DYSF: variants seen among roughly 807,000 people sequenced by gnomAD.
The protein encoded by DYSF is dysferlin, also known as dystrophy-associated fer-1-like 1.
DYSF carries 212 observed loss-of-function variants against 274.9 expected under a neutral mutation model. The ratio of observed to expected loss-of-function variants is 0.77; its 90% CI spans 0.69 to 0.86. DYSF has a LOEUF of 0.86. DYSF is among the 40% of genes least tolerant of loss of function. The pLI is 0.00. For missense variants in DYSF, 2,666 were observed against 2,783.2 expected, an observed-to-expected ratio of 0.96 and a Z score of 0.95; for synonymous variants, 1,091 against 1,078.7, an observed-to-expected ratio of 1.01 and a Z score of -0.22.
rs150860548 is a variant in DYSF, at chr2:71,483,253, A to G, written c.239+1283A>G. Among the ~76,000 whole-genome samples, 682 of 152,240 alleles carry G rather than the reference A, an allele frequency of 4.5e-3. 8 individuals carry two copies. Among genetic ancestry groups the G allele is most frequent in the African/African-American group, 0.014 (585 of 41,534 alleles). On this transcript the variant is annotated intron_variant, in intron 3 of 55. Transcript: ENST00000410020. ...TCTCTTCCAGCTGTTGACCTCAGAC[A>G]TCTCCACCTGCACGGGGGACAGGGA...
In DYSF at chr2:71,686,728, T is replaced by C; in HGVS notation, c.*236T>C. On this transcript the variant is annotated 3_prime_UTR_variant, in exon 56 of 56. Coordinates refer to ENST00000410020, the MANE Select transcript of DYSF (RefSeq NM_001130987.2). The stretch of plus-strand genomic sequence containing the variant: ...CAACCCAACGCTTTTTTGGATCAGC[T>C]CAGACATATTTCAGTATAAAACAGT... The C allele has an allele frequency of 3.6e-6, 2 of 562,160 alleles. No individual in the cohort carries two copies. The highest frequency in any genetic ancestry group is 6.5e-6 in the Non-Finnish European group (2 of 308,748). 34.8% of individuals were successfully genotyped at this position (562,160 alleles called of 1,614,324 possible). A position where few individuals can be genotyped will look rare whatever the true frequency, so the allele number is the denominator to read the frequency against.
chr2:71,654,787 A>G (rs2094736787), intron 42 of DYSF, among the ~76,000 whole-genome samples: 1 of 148,090 alleles, frequency 6.8e-6, no homozygotes, highest in Admixed American at 6.7e-5. Flanking sequence ...AGGTTAAAAA[A>G]CAAGTTACAG....
Position 71,620,546 on chromosome 2 carries a change from G to A in DYSF, c.4465-1G>A, listed in dbSNP as rs1553389041. The stretch of plus-strand genomic sequence containing the variant: ...TGCTAACCAGCATGTTTCATTTGTA[G>A]CTTGCAGACGGTCTGTCGAGCTTGG... On this transcript the variant is annotated splice_acceptor_variant, in intron 40 of 55. Coordinates refer to ENST00000410020, the MANE Select transcript of DYSF (RefSeq NM_001130987.2). LOFTEE classifies it high-confidence loss of function. 1.3e-6 allele frequency: 2 copies of A among 1,551,718 alleles called. No homozygotes were observed. Among genetic ancestry groups the A allele is most frequent in the Admixed American group, 2.0e-5 (1 of 51,004 alleles).
intron 1 of DYSF, among the ~76,000 whole-genome samples, chr2:71,477,434 T>A (rs527270425): frequency 2.0e-5 from 3 of 152,250 alleles, no homozygotes; most frequent in Admixed American, 6.5e-5. Flanking sequence ...GAGCTGGTTT[T>A]AGCCCACTAG....
chr2:71,544,509 T>TAGTG (rs2090306699), intron 17 of DYSF, among the ~76,000 whole-genome samples: 1 of 150,130 alleles, frequency 6.7e-6, no homozygotes, highest in Non-Finnish European at 1.5e-5. Context: ...GCCCAGCCTG[T>TAGTG]AGTGCAGTGG....
intron 1 of DYSF, among the ~76,000 whole-genome samples, chr2:71,459,371 A>G (rs2081193261): frequency 1.3e-5 from 2 of 152,194 alleles, no homozygotes; most frequent in South Asian, 4.1e-4. Context: ...CTCGATGGTC[A>G]GGAAGGTAGG....
Position 71,679,058 on chromosome 2 carries a change from C to T in DYSF, c.5886C>T (p.Gly1962=). Residue 1962 remains glycine (G), a splice_region_variant and synonymous_variant, in exon 53 of 56, where the codon GGC becomes GGT. Coordinates refer to ENST00000410020, the MANE Select transcript of DYSF (RefSeq NM_001130987.2). ...CCAAAAACTACCTCTCTGTTGCAGG[C>T]TCCCTGCAGCTCGATCTCAACCGCA... ...NDKFSFDDFL[G]SLQLDLNRMP... The T allele has an allele frequency of 6.2e-7, 1 of 1,613,910 alleles. No individual in the cohort carries two copies.
At position 71,610,290 on chromosome 2, in the gene DYSF, C is replaced by T. The variant is rs183178523; in HGVS notation, c.3958-955C>T. Among the ~76,000 whole-genome samples, 16 of 152,330 alleles carry T rather than the reference C, an allele frequency of 1.1e-4. No individual in the cohort carries two copies. In the East Asian group the frequency reaches 3.1e-3, roughly 29 times the overall value. ...TTTACATGAAGCTCTAAAGGTTATA[C>T]AGGTATTAACTTCCTCAACCCTCAC... is the stretch of plus-strand genomic sequence containing the variant. On this transcript the variant is annotated intron_variant, in intron 36 of 55. Transcript: ENST00000410020.
intron 9 of DYSF, among the ~76,000 whole-genome samples, chr2:71,516,647 T>G (rs113164252): frequency 8.5e-5 from 13 of 152,202 alleles, no homozygotes; most frequent in Non-Finnish European, 1.8e-4. Context: ...TCTCTTTCTC[T>G]CTGGGCCTTG....
intron 47 of DYSF, 35 bp from the exon 48 acceptor site, chr2:71,667,341 G>C (rs748944847): frequency 6.2e-7 from 1 of 1,613,758 alleles, no homozygotes; most frequent in Non-Finnish European, 8.5e-7. Flanking sequence ...CGCTTCCCCA[G>C]CTCCTGCAAC....
intron 2 of DYSF, 131 bp from the exon 3 acceptor site, chr2:71,481,748 A>G: frequency 4.2e-6 from 3 of 708,020 alleles, no homozygotes; most frequent in Non-Finnish European, 7.6e-6. Context: ...CCATCCATTG[A>G]TCCATCTGCC....
intron 40 of DYSF, among the ~76,000 whole-genome samples, chr2:71,618,513 GGTGTGTGTGTGGTAGAGGTGGGGT>G (rs1558640788): frequency 1.6e-5 from 1 of 62,116 alleles, no homozygotes. Context: ...GTTTGGTAGA[GGTGTGTGTGTGGTAGAGGTGGGGT>G]GTGTGTGTGT....
chr2:71,527,003 C>A (rs544596360), intron 13 of DYSF, among the ~76,000 whole-genome samples: 1 of 152,336 alleles, frequency 6.6e-6, no homozygotes, highest in Admixed American at 6.5e-5. Flanking sequence ...CGATACTAGA[C>A]CCATCTGTGT....
rs143738269 is a variant in DYSF, at chr2:71,583,043, CAAAAAAAA to C, written c.3403-6531_3403-6524del. Among the ~76,000 whole-genome samples the C allele has an allele frequency of 5.6e-4, 28 of 49,950 alleles. No individual in the cohort carries two copies. The East Asian group carries it at 0.011, about 19-fold the overall frequency. 32.8% of individuals were successfully genotyped at this position (49,950 alleles called of 152,430 possible). A position where few individuals can be genotyped will look rare whatever the true frequency, so the allele number is the denominator to read the frequency against. On this transcript the variant is annotated intron_variant, in intron 30 of 55. Coordinates refer to ENST00000410020, the MANE Select transcript of DYSF (RefSeq NM_001130987.2). ...TGGGTGACAGAGCAAGACTCCATCTCAAAAAAAAAAAAAAAAAAAAAAAAAAGAGAAAT... is the reference window on the plus strand; with the variant it reads ...TGGGTGACAGAGCAAGACTCCATCTCAAAAAAAAAAAAAAAAAAGAGAAAT...
At chr2:71,678,404 A>G (rs2152967066) in intron 52 of DYSF, among the ~76,000 whole-genome samples, 1 of 152,356 alleles carries the variant, frequency 6.6e-6, no homozygotes, top group South Asian at 2.1e-4. Flanking sequence ...CCCTGAAAAC[A>G]TTATGGAAAT....
intron 3 of DYSF, among the ~76,000 whole-genome samples, chr2:71,484,633 G>C (rs994842577): frequency 3.3e-5 from 5 of 152,084 alleles, no homozygotes; most frequent in African/African-American, 1.2e-4. Flanking sequence ...CTGTGTTTTT[G>C]TATCCATTGA....
intron 45 of DYSF, among the ~76,000 whole-genome samples, chr2:71,663,092 T>G (rs1461054588): frequency 6.9e-6 from 1 of 145,404 alleles, no homozygotes; most frequent in Non-Finnish European, 1.5e-5. Context: ...CCTCCCTTCC[T>G]GGTCCAGTGT....
intron 41 of DYSF, among the ~76,000 whole-genome samples, chr2:71,621,746 A>G (rs568415127): frequency 2.0e-5 from 3 of 152,144 alleles, no homozygotes; most frequent in South Asian, 2.1e-4. Flanking sequence ...TGCAACCTCC[A>G]TCTGCTGGGC....
intron 40 of DYSF, among the ~76,000 whole-genome samples, chr2:71,618,616 AGAGGTG>A (rs1558641586): frequency 3.5e-5 from 1 of 28,818 alleles, no homozygotes. Context: ...TGGGTGTGGT[AGAGGTG>A]GTGTGTGTGT....
Sources: allele counts gnomAD v4.1 joint callset (sites outside exome capture counted in the v4.1 genomes callset), GRCh38; gene constraint gnomAD v4.1.1; transcripts MANE v1.5; gene names NCBI Gene and HGNC (gene_info 2026-07-23, HGNC 2026-07-21).